Variants in DMD observed in about 807,000 individuals in gnomAD.
DMD encodes the protein mutant dystrophin.
DMD carries 63 observed loss-of-function variants against 330.1 expected under a neutral mutation model. That is an observed-to-expected ratio of 0.19 (90% confidence interval 0.16 to 0.24). DMD has a LOEUF of 0.24. DMD is among the 10% of genes least tolerant of loss of function. The probability of loss-of-function intolerance (pLI) is 1.00; values close to 1 mark genes in which losing one functional copy is unlikely to be tolerated. For synonymous variants in DMD, 1,223 were observed against 959.8 expected (o/e 1.27, Z -5.07); for missense variants, 3,344 against 2,684.1 (o/e 1.25, Z -5.43).
chrX:32,656,677 G>C (rs12387979), intron 9 of DMD, among the ~76,000 whole-genome samples: 1 of 111,401 alleles, frequency 9.0e-6, no homozygotes, highest in Admixed American at 9.6e-5. Context: ...TTGCTTCATC[G>C]TTTTTCAAGT....
chrX:31,217,474 T>G (rs1357392384), intron 64 of DMD, among the ~76,000 whole-genome samples: 1 of 111,939 alleles, frequency 8.9e-6, no homozygotes, highest in Non-Finnish European at 1.9e-5. Context: ...TGGAAGTGCA[T>G]ATTTCCAAGG....
chrX:32,620,967 A>G (rs1448551064), intron 11 of DMD, among the ~76,000 whole-genome samples: 1 of 111,455 alleles, frequency 9.0e-6, no homozygotes, highest in Non-Finnish European at 1.9e-5. Context: ...ATTATTGAGT[A>G]CCTGGATACT....
In DMD at chrX:31,161,248, A is replaced by T. The variant is rs1340867580; in HGVS notation, c.10553+8195T>A. Among the ~76,000 whole-genome samples, 9 of 111,784 alleles carry T rather than the reference A, an allele frequency of 8.1e-5. No homozygotes were observed. The Admixed American group carries it at 8.5e-4, about 11-fold the overall frequency. On this transcript the variant is annotated intron_variant, in intron 74 of 78. Transcript: ENST00000357033. ...GACAGACAAATCTTTGTTTCCTATT[A>T]TCTCCCTGGCTACAGGGAAGCTCAA... is the stretch of plus-strand genomic sequence containing the variant.
intron 2 of DMD, among the ~76,000 whole-genome samples, chrX:32,924,937 G>A (rs1160826227): frequency 1.8e-5 from 2 of 110,420 alleles, no homozygotes; most frequent in Admixed American, 9.7e-5. Flanking sequence ...AGCATAAAAC[G>A]TGTTTAAAAT....
In DMD at chrX:32,386,356, T is replaced by G. The variant is rs746681404; in HGVS notation, c.4628A>C (p.Glu1543Ala). 8.3e-7 allele frequency: 1 copy of G among 1,207,700 alleles called. No homozygotes were observed. Among genetic ancestry groups the G allele is most frequent in the Non-Finnish European group, 1.1e-6 (1 of 893,640 alleles). Residue 1543 changes from glutamate (E) to alanine (A), a missense_variant, in exon 33 of 79, where the codon GAA (glutamate) becomes GCA (alanine). Coordinates refer to ENST00000357033, the MANE Select transcript of DMD (RefSeq NM_004006.3). The stretch of plus-strand genomic sequence containing the variant: ...ATGCAATTTCAAAGCTGTTACTCTT[T>G]CATCAAGTTCTTTGGGATTTTCCGT... ...KQTENPKELDERVTALKLHYN... is the reference protein window; with the variant it reads ...KQTENPKELDARVTALKLHYN...
At chrX:32,250,896 A>C (rs1371499823) in intron 43 of DMD, among the ~76,000 whole-genome samples, 1 of 111,392 alleles carries the variant, frequency 9.0e-6, no homozygotes, top group Non-Finnish European at 1.9e-5. Context: ...TTGCAGGGAC[A>C]TGGATGAAGC....
chrX:31,777,059 G>C (rs1395235519), intron 50 of DMD, among the ~76,000 whole-genome samples: 1 of 111,776 alleles, frequency 8.9e-6, no homozygotes, highest in Non-Finnish European at 1.9e-5. Flanking sequence ...GAGTATAGGA[G>C]GTGCTCAATT....
Position 31,340,968 on chromosome X carries a change from C to T in DMD, c.9163+7588G>A, listed in dbSNP as rs112415395. ...GTTAGTTATACAAACAACTATTGAG[C>T]CGTTCTAATGTGCAAAACACTGGAC... On this transcript the variant is annotated intron_variant, in intron 61 of 78. Transcript: ENST00000357033. Among the ~76,000 whole-genome samples the T allele has an allele frequency of 8.2e-3, 917 of 111,984 alleles. 9 individuals are homozygous for T. The highest frequency in any genetic ancestry group is 0.029 in the African/African-American group (885 of 30,870).
rs763674221 is a variant in DMD, at chrX:32,706,562, T to A, written c.650-7269A>T. Among the ~76,000 whole-genome samples, 5 of 108,411 alleles carry A rather than the reference T, an allele frequency of 4.6e-5. No individual in the cohort carries two copies. The East Asian group carries it at 8.8e-4, about 19-fold the overall frequency. The allele number at this position is 108,411 out of a possible 115,157, so 94.1% of individuals were successfully genotyped here. A position where few individuals can be genotyped will look rare whatever the true frequency, so the allele number is the denominator to read the frequency against. ...CTGGGTGAGAGAGTGAGACTCCATCTCAAAAAACAAACAAACAAAAAATTA... is the reference window on the plus strand; with the variant it reads ...CTGGGTGAGAGAGTGAGACTCCATCACAAAAAACAAACAAACAAAAAATTA... On this transcript the variant is annotated intron_variant, in intron 7 of 78. Transcript: ENST00000357033.
At chrX:32,160,353 G>T (rs1603627393) in intron 44 of DMD, among the ~76,000 whole-genome samples, 1 of 109,873 alleles carries the variant, frequency 9.1e-6, no homozygotes, top group Non-Finnish European at 1.9e-5. Flanking sequence ...CGTGCCTCAG[G>T]CTCCTGAGTA....
At chrX:31,882,416 G>A (rs932380753) in intron 47 of DMD, among the ~76,000 whole-genome samples, 10 of 110,951 alleles carry the variant, frequency 9.0e-5, no homozygotes, top group Non-Finnish European at 1.7e-4. Flanking sequence ...AGACCTCAAT[G>A]TAAAAGGCAA....
At chrX:32,167,361 T>C (rs1055163186) in intron 44 of DMD, among the ~76,000 whole-genome samples, 4 of 112,174 alleles carry the variant, frequency 3.6e-5, no homozygotes, top group African/African-American at 1.3e-4. Context: ...TGAAGTCAAG[T>C]ACACTTTGAA....
intron 62 of DMD, among the ~76,000 whole-genome samples, chrX:31,265,925 T>C (rs1297833619): frequency 9.2e-6 from 1 of 108,890 alleles, no homozygotes; most frequent in African/African-American, 3.4e-5. Flanking sequence ...TGGATTTTTT[T>C]CATGATGTAA....
intron 19 of DMD, among the ~76,000 whole-genome samples, chrX:32,498,137 C>T (rs1264739229): frequency 9.0e-6 from 1 of 110,877 alleles, no homozygotes; most frequent in Admixed American, 9.6e-5. Flanking sequence ...CTCTCACTTG[C>T]CCTCATTAAG....
intron 34 of DMD, among the ~76,000 whole-genome samples, chrX:32,372,364 A>C (rs16990274): frequency 9.0e-6 from 1 of 111,386 alleles, no homozygotes; most frequent in Admixed American, 9.6e-5. Flanking sequence ...TATTGCCTAC[A>C]TAACAGTCCA....
chrX:32,868,516 G>A (rs1254999597), intron 2 of DMD, among the ~76,000 whole-genome samples: 1 of 112,245 alleles, frequency 8.9e-6, no homozygotes, highest in African/African-American at 3.2e-5. Context: ...CCTGTAGGGA[G>A]GGCAGCAGCC....
chrX:32,253,226 G>A (rs916514335), intron 43 of DMD, among the ~76,000 whole-genome samples: 3 of 109,096 alleles, frequency 2.7e-5, no homozygotes, highest in Non-Finnish European at 5.7e-5. Context: ...AAATTGAGGC[G>A]GCCAAGGGTT....
At chrX:31,241,702 C>T (rs1196739072) in intron 63 of DMD, among the ~76,000 whole-genome samples, 1 of 111,138 alleles carries the variant, frequency 9.0e-6, no homozygotes, top group Non-Finnish European at 1.9e-5. Context: ...TTCCCTTTTC[C>T]TTCCCCCATT....
intron 45 of DMD, among the ~76,000 whole-genome samples, chrX:31,951,454 T>C (rs1480031973): frequency 9.2e-6 from 1 of 108,889 alleles, no homozygotes; most frequent in African/African-American, 3.3e-5. Context: ...CTTATTCATG[T>C]CTTTTTTGTT....
Sources: gnomAD v4.1 joint callset for allele counts (sites outside exome capture counted in the v4.1 genomes callset) on GRCh38, gnomAD v4.1.1 for gene constraint, MANE v1.5 for transcripts, NCBI Gene and HGNC (gene_info 2026-07-23, HGNC 2026-07-21) for gene names.